Variants in CAST observed in about 807,000 individuals in gnomAD.
CAST encodes MIR583 host.
A neutral mutation model predicts 119.6 loss-of-function variants in CAST; 76 were observed. The observed-to-expected ratio is 0.64, with a 90% confidence interval of 0.53 to 0.77. CAST has a LOEUF of 0.77. CAST is among the 30% of genes least tolerant of loss of function. CAST has a pLI of 0.00. For synonymous variants in CAST, 319 were observed against 331.6 expected (o/e 0.96, Z 0.41); for missense variants, 953 against 946.5 (o/e 1.01, Z -0.09).
intron 1 of CAST, among the ~76,000 whole-genome samples, chr5:96,640,899 A>G (rs1202606241): frequency 6.6e-6 from 1 of 152,192 alleles, no homozygotes; most frequent in Non-Finnish European, 1.5e-5. Flanking sequence ...AAACTAAGGT[A>G]AAGTCTCCGT....
the CAST span, among the ~76,000 whole-genome samples, chr5:96,519,823 T>C: frequency 6.6e-6 from 1 of 152,164 alleles, no homozygotes; most frequent in Non-Finnish European, 1.5e-5. Context: ...GCCAGCCTGG[T>C]CTCAAACTCC....
the CAST span, among the ~76,000 whole-genome samples, chr5:96,384,199 C>A: frequency 6.6e-6 from 1 of 152,060 alleles, no homozygotes; most frequent in East Asian, 1.9e-4. Context: ...TCCTTTCATG[C>A]GTAGGAAATT....
At chr5:96,618,290 G>T (rs1747513270) in intron 1 of CAST, among the ~76,000 whole-genome samples, 1 of 152,234 alleles carries the variant, frequency 6.6e-6, no homozygotes, top group South Asian at 2.1e-4. Flanking sequence ...TTGCAGTCAG[G>T]CTAGGGTGAA....
At chr5:96,143,032 C>T in the CAST span, among the ~76,000 whole-genome samples, 4 of 152,306 alleles carry the variant, frequency 2.6e-5, no homozygotes, top group South Asian at 2.1e-4. Flanking sequence ...AATCACTCCA[C>T]GTTACAATGT....
the CAST span, among the ~76,000 whole-genome samples, chr5:96,165,384 A>C: frequency 4.6e-5 from 7 of 152,170 alleles, no homozygotes; most frequent in Non-Finnish European, 1.0e-4. Context: ...AAAAGTATTA[A>C]GAACTTTAAA....
At chr5:96,469,420 C>T in the CAST span, among the ~76,000 whole-genome samples, 1 of 151,970 alleles carries the variant, frequency 6.6e-6, no homozygotes, top group Non-Finnish European at 1.5e-5. Context: ...GAAGTGGTCT[C>T]CTTTCTCCTA....
the CAST span, among the ~76,000 whole-genome samples, chr5:96,378,623 C>G: frequency 6.6e-6 from 1 of 152,016 alleles, no homozygotes; most frequent in South Asian, 2.1e-4. Flanking sequence ...GAAAATAGCT[C>G]TAAAGATATC....
At chr5:96,208,322 T>C in the CAST span, among the ~76,000 whole-genome samples, 1 of 151,978 alleles carries the variant, frequency 6.6e-6, no homozygotes, top group South Asian at 2.1e-4. Flanking sequence ...TCTTAATTTC[T>C]TTTAGTTCAG....
the CAST span, among the ~76,000 whole-genome samples, chr5:96,472,652 G>A: frequency 6.6e-6 from 1 of 152,116 alleles, no homozygotes; most frequent in Admixed American, 6.5e-5. Context: ...TCACAAAGCA[G>A]GCTCAATATA....
At chr5:96,295,163 G>T in the CAST span, among the ~76,000 whole-genome samples, 6 of 152,226 alleles carry the variant, frequency 3.9e-5, no homozygotes, top group Admixed American at 3.3e-4. Flanking sequence ...TTTTTTTCAT[G>T]AAGAAAAATA....
chr5:96,421,348 C>G, the CAST span, among the ~76,000 whole-genome samples: 1 of 152,064 alleles, frequency 6.6e-6, no homozygotes, highest in Non-Finnish European at 1.5e-5. Context: ...CCGGCTGGCT[C>G]AATGCCCTGG....
chr5:96,430,106 C>T, the CAST span, among the ~76,000 whole-genome samples: 323 of 152,188 alleles, frequency 2.1e-3, no homozygotes, highest in African/African-American at 7.3e-3. Context: ...TATTAGTGAT[C>T]GTTTGATTTT....
At chr5:96,214,262 A>G in the CAST span, among the ~76,000 whole-genome samples, 1 of 152,214 alleles carries the variant, frequency 6.6e-6, no homozygotes, top group Admixed American at 6.5e-5. Context: ...AAGAAACATG[A>G]TGGCAATCTA....
the CAST span, among the ~76,000 whole-genome samples, chr5:96,238,679 C>T: frequency 1.6e-4 from 25 of 151,774 alleles, no homozygotes; most frequent in Non-Finnish European, 2.5e-4. Flanking sequence ...GGATTACAGG[C>T]GTGAGCCACC....
intron 22 of CAST, among the ~76,000 whole-genome samples, chr5:96,756,527 C>A (rs929822291): frequency 4.6e-5 from 7 of 152,190 alleles, no homozygotes; most frequent in African/African-American, 1.7e-4. Flanking sequence ...CAGCCCTAGT[C>A]TGAAAATCCA....
the CAST span, among the ~76,000 whole-genome samples, chr5:95,969,299 T>A: frequency 2.0e-5 from 3 of 152,282 alleles, no homozygotes; most frequent in East Asian, 3.9e-4. Flanking sequence ...CATGATCTAA[T>A]CTATATGTTA....
chr5:96,600,243 G>T (rs775904910), intron 1 of CAST, among the ~76,000 whole-genome samples: 54 of 152,314 alleles, frequency 3.5e-4, no homozygotes, highest in Non-Finnish European at 5.9e-4. Context: ...TAGATACCTG[G>T]CAAACACACA....
At chr5:96,076,467 C>T in the CAST span, among the ~76,000 whole-genome samples, 3 of 152,126 alleles carry the variant, frequency 2.0e-5, no homozygotes, top group Admixed American at 2.0e-4. Context: ...CTAAGGGGCT[C>T]GGGTTCTGGG....
the CAST span, among the ~76,000 whole-genome samples, chr5:96,242,646 G>T: frequency 6.6e-6 from 1 of 152,084 alleles, no homozygotes; most frequent in Non-Finnish European, 1.5e-5. Flanking sequence ...ACTCCTCCAG[G>T]TTTCTCTTTT....
Sources: gnomAD v4.1 joint callset for allele counts (sites outside exome capture counted in the v4.1 genomes callset) on GRCh38, gnomAD v4.1.1 for gene constraint, MANE v1.5 for transcripts, NCBI Gene and HGNC (gene_info 2026-07-23, HGNC 2026-07-21) for gene names.